KHDRBS2: variants seen among roughly 807,000 people sequenced by gnomAD.
The protein encoded by KHDRBS2 is KH RNA binding domain containing, signal transduction associated 2.
In KHDRBS2, 26 loss-of-function variants were observed where a neutral mutation model predicts 44.3. The ratio of observed to expected loss-of-function variants is 0.59; its 90% confidence interval spans 0.43 to 0.81. The LOEUF (loss-of-function observed/expected upper bound fraction) is 0.81. KHDRBS2 is among the 40% of genes least tolerant of loss of function. The probability of loss-of-function intolerance (pLI) is 0.00; values close to 1 mark genes in which losing one functional copy is unlikely to be tolerated. For missense variants in KHDRBS2, 476 were observed against 433.1 expected, an observed-to-expected ratio of 1.10 and a Z score of -0.88; for synonymous variants, 194 against 151.1, an observed-to-expected ratio of 1.28 and a Z score of -2.08.
Position 61,894,964 on chromosome 6 carries a change from T to C in KHDRBS2, c.612-131A>G, listed in dbSNP as rs1478579860. ...AAATTTCTCTCTCTCTCTCTGTGTG[T>C]GTGTGTGTGTATGCATTTAATAGAA... On this transcript the variant is annotated intron_variant, in intron 5 of 8. Transcript: ENST00000281156. The C allele has an allele frequency of 8.0e-6, 5 of 625,480 alleles. No homozygotes were observed. In the African/African-American group the frequency reaches 9.2e-5, roughly 12 times the overall value. 38.7% of individuals were successfully genotyped at this position (625,480 alleles called of 1,614,324 possible). A position where few individuals can be genotyped will look rare whatever the true frequency, so the allele number is the denominator to read the frequency against.
intron 6 of KHDRBS2, among the ~76,000 whole-genome samples, chr6:61,735,206 C>T (rs7755232): frequency 0.4 from 60,573 of 151,770 alleles, 13,046 homozygotes; most frequent in African/African-American, 0.57. Flanking sequence ...AACTCATCTA[C>T]CCTTCACCTA....
the KHDRBS2 span, among the ~76,000 whole-genome samples, chr6:61,591,032 T>C: frequency 2.3e-4 from 35 of 152,192 alleles, 1 homozygote; most frequent in African/African-American, 8.2e-4. Flanking sequence ...TTACATTCTT[T>C]CTATAGGTAG....
At chr6:61,818,945 T>C (rs1053424621) in intron 6 of KHDRBS2, among the ~76,000 whole-genome samples, 1 of 152,018 alleles carries the variant, frequency 6.6e-6, no homozygotes, top group African/African-American at 2.4e-5. Context: ...TGTATGTTAC[T>C]AGGAATTGCG....
the KHDRBS2 span, among the ~76,000 whole-genome samples, chr6:61,604,980 C>A: frequency 5.3e-5 from 8 of 152,206 alleles, no homozygotes; most frequent in African/African-American, 1.7e-4. Context: ...TTCAGTGGAA[C>A]CTTCATACTC....
At chr6:61,736,099 C>T (rs1323928716) in intron 6 of KHDRBS2, among the ~76,000 whole-genome samples, 1 of 143,418 alleles carries the variant, frequency 7.0e-6, no homozygotes, top group Non-Finnish European at 1.5e-5. Context: ...TTTTTTCTTT[C>T]TTTCTTTCTT....
chr6:62,108,133 A>G (rs1399038045), intron 2 of KHDRBS2, among the ~76,000 whole-genome samples: 1 of 152,176 alleles, frequency 6.6e-6, no homozygotes, highest in Non-Finnish European at 1.5e-5. Flanking sequence ...ACAGCAAAAG[A>G]AACTACCATC....
At chr6:62,006,003 CTG>C (rs1359909661) in intron 3 of KHDRBS2, among the ~76,000 whole-genome samples, 3 of 151,892 alleles carry the variant, frequency 2.0e-5, no homozygotes, top group African/African-American at 7.2e-5. Flanking sequence ...TGCAATAAGA[CTG>C]TTTAACATAT....
intron 3 of KHDRBS2, among the ~76,000 whole-genome samples, chr6:62,004,035 C>T (rs1053635388): frequency 2.7e-4 from 41 of 152,076 alleles, no homozygotes; most frequent in African/African-American, 9.7e-4. Flanking sequence ...GCACTAAATG[C>T]CCACAAGGTA....
chr6:62,158,841 G>T (rs754190308), intron 2 of KHDRBS2, among the ~76,000 whole-genome samples: 1 of 150,882 alleles, frequency 6.6e-6, no homozygotes, highest in Non-Finnish European at 1.5e-5. Context: ...TTAAACCTTA[G>T]CCTCTAAATA....
intron 6 of KHDRBS2, among the ~76,000 whole-genome samples, chr6:61,885,636 T>C (rs1800833289): frequency 6.6e-6 from 1 of 152,152 alleles, no homozygotes; most frequent in Non-Finnish European, 1.5e-5. Context: ...CCAAACTAAA[T>C]GAATTTCTAA....
At chr6:61,703,904 G>GA (rs2127547099) in intron 7 of KHDRBS2, among the ~76,000 whole-genome samples, 1 of 151,948 alleles carries the variant, frequency 6.6e-6, no homozygotes, top group African/African-American at 2.4e-5. Flanking sequence ...TGGTTATCCT[G>GA]AATCTTCCCT....
chr6:62,088,616 C>A (rs1418767162), intron 2 of KHDRBS2, among the ~76,000 whole-genome samples: 2 of 152,106 alleles, frequency 1.3e-5, no homozygotes, highest in African/African-American at 4.8e-5. Flanking sequence ...AGCCAGAGCT[C>A]TCCTGTATGA....
chr6:62,261,010 T>C (rs1245601320), intron 1 of KHDRBS2, among the ~76,000 whole-genome samples: 1 of 151,914 alleles, frequency 6.6e-6, no homozygotes, highest in Admixed American at 6.6e-5. Context: ...TCCTAAAATC[T>C]GGTCACTGGC....
chr6:62,200,232 A>C (rs1173702720), intron 1 of KHDRBS2, among the ~76,000 whole-genome samples: 4 of 152,168 alleles, frequency 2.6e-5, no homozygotes, highest in African/African-American at 4.8e-5. Context: ...AAAATTGACA[A>C]ATGGGATCTA....
chr6:62,093,856 T>TGTGTGTG (rs1799975853), intron 2 of KHDRBS2, among the ~76,000 whole-genome samples: 1 of 143,214 alleles, frequency 7.0e-6, no homozygotes, highest in Non-Finnish European at 1.5e-5. Flanking sequence ...TTCCATTGTT[T>TGTGTGTG]TGTGTGTGTG....
At chr6:61,903,996 C>T (rs917676240) in intron 4 of KHDRBS2, among the ~76,000 whole-genome samples, 3 of 152,150 alleles carry the variant, frequency 2.0e-5, no homozygotes, top group Non-Finnish European at 2.9e-5. Flanking sequence ...GATAATAAAT[C>T]GCTGCTTTAT....
intron 4 of KHDRBS2, among the ~76,000 whole-genome samples, chr6:61,953,252 C>A (rs932795881): frequency 6.6e-6 from 1 of 152,024 alleles, no homozygotes; most frequent in Non-Finnish European, 1.5e-5. Context: ...TGAAGAAATT[C>A]TGTCTTAAAT....
the KHDRBS2 span, among the ~76,000 whole-genome samples, chr6:61,602,567 G>A: frequency 2.6e-4 from 39 of 152,122 alleles, no homozygotes; most frequent in Non-Finnish European, 1.5e-4. Flanking sequence ...CAGTTTAGTG[G>A]CTGAACACTG....
chr6:61,774,886 T>A (rs1267302151), intron 6 of KHDRBS2, among the ~76,000 whole-genome samples: 4 of 151,806 alleles, frequency 2.6e-5, no homozygotes, highest in African/African-American at 9.7e-5. Context: ...AATGCAAAAA[T>A]CCTCAAGAAA....
Sources: allele counts gnomAD v4.1 joint callset (sites outside exome capture counted in the v4.1 genomes callset), GRCh38; gene constraint gnomAD v4.1.1; transcripts MANE v1.5; gene names NCBI Gene and HGNC (gene_info 2026-07-23, HGNC 2026-07-21).